KCNH5: variants seen among roughly 807,000 people sequenced by gnomAD.
The protein encoded by KCNH5 is potassium voltage-gated channel subfamily H member 5, also known as voltage-gated delayed rectifier potassium channel KCNH5.
KCNH5 carries 46 observed loss-of-function variants against 96.1 expected under a neutral mutation model. That is an observed-to-expected ratio of 0.48 (90% CI 0.38 to 0.61). The LOEUF is 0.61. Ranked by LOEUF, KCNH5 falls within the 20% of genes least tolerant of loss-of-function variation. KCNH5 has a pLI of 0.00. For missense variants in KCNH5, 907 were observed against 1,225.8 expected (o/e 0.74, Z 3.88); for synonymous variants, 439 against 449.8 (o/e 0.98, Z 0.30).
chr14:62,931,170 A>G (rs1250605170), intron 7 of KCNH5, among the ~76,000 whole-genome samples: 2 of 152,188 alleles, frequency 1.3e-5, no homozygotes, highest in African/African-American at 4.8e-5. Flanking sequence ...TGGGAAGCCA[A>G]GCAGACAGTA....
intron 4 of KCNH5, among the ~76,000 whole-genome samples, chr14:62,987,777 C>T (rs919233473): frequency 1.3e-5 from 2 of 152,120 alleles, no homozygotes; most frequent in African/African-American, 4.8e-5. Flanking sequence ...AAGAAATGTG[C>T]TTCTATTGTA....
chr14:63,044,128 G>A (rs1891877620), intron 1 of KCNH5, among the ~76,000 whole-genome samples: 1 of 152,130 alleles, frequency 6.6e-6, no homozygotes, highest in African/African-American at 2.4e-5. Context: ...CTCCAAGCAA[G>A]AGATGTCAAA....
At chr14:62,942,895 A>G (rs1889814432) in intron 7 of KCNH5, among the ~76,000 whole-genome samples, 1 of 152,162 alleles carries the variant, frequency 6.6e-6, no homozygotes, top group Non-Finnish European at 1.5e-5. Flanking sequence ...AGCAGGACAA[A>G]TTCTCATTGA....
chr14:62,748,302 C>A (rs1595604978), intron 10 of KCNH5, among the ~76,000 whole-genome samples: 1 of 152,158 alleles, frequency 6.6e-6, no homozygotes, highest in Non-Finnish European at 1.5e-5. Context: ...TTCCTAATTA[C>A]TATATTTTGC....
chr14:62,948,195 T>A (rs757548776), intron 7 of KCNH5, among the ~76,000 whole-genome samples: 3 of 152,304 alleles, frequency 2.0e-5, no homozygotes, highest in Middle Eastern at 3.4e-3. Context: ...CCATGGTGTA[T>A]ATGTGCCACA....
At position 62,708,037 on chromosome 14, in the gene KCNH5, C is replaced by T. The variant is rs534607642; in HGVS notation, c.2438G>A (p.Arg813Gln). 2.5e-5 allele frequency: 40 copies of T among 1,614,162 alleles called. No homozygotes were observed. Among genetic ancestry groups the T allele is most frequent in the Admixed American group, 1.2e-4 (7 of 60,024 alleles). ...MKNGNGKGWL[R>Q]LKNNMGAHEE... ...ATGGGCTCCCATATTATTCTTGAGT[C>T]GCAGCCACCCTTTTCCATTTCCATT... The change falls in exon 11 of 11, where the codon CGA becomes CAA. Residue 813 changes from arginine (R) to glutamine (Q), a missense_variant. Physicochemically the swap from Arg to Gln is conservative, Grantham distance 43 (BLOSUM62 1). This residue lies in a region of KCNH5 where 362 missense variants were observed against 394.4 expected (regional missense o/e 0.92). Transcript: ENST00000322893.
chr14:62,870,026 A>T (rs1595663508), intron 7 of KCNH5, among the ~76,000 whole-genome samples: 1 of 152,298 alleles, frequency 6.6e-6, no homozygotes, highest in East Asian at 1.9e-4. Flanking sequence ...AACTGAATAC[A>T]TCTATAGTTT....
chr14:62,727,975 A>G (rs1282360538), intron 10 of KCNH5, among the ~76,000 whole-genome samples: 1 of 149,318 alleles, frequency 6.7e-6, no homozygotes, highest in Non-Finnish European at 1.5e-5. Flanking sequence ...AGCACACGAG[A>G]TACTCCAGAG....
chr14:62,835,195 C>T (rs1264889238), intron 8 of KCNH5, among the ~76,000 whole-genome samples: 1 of 151,922 alleles, frequency 6.6e-6, no homozygotes, highest in African/African-American at 2.4e-5. Flanking sequence ...GGCTGGACAC[C>T]TCTATTGTGT....
At chr14:62,892,548 CA>C (rs1275062165) in intron 7 of KCNH5, among the ~76,000 whole-genome samples, 1 of 152,192 alleles carries the variant, frequency 6.6e-6, no homozygotes, top group Non-Finnish European at 1.5e-5. Flanking sequence ...CACTAAACAA[CA>C]AATTTTCAAT....
Position 62,814,515 on chromosome 14 carries a change from T to C in KCNH5, c.1570-11934A>G, listed in dbSNP as rs542568107. Among the ~76,000 whole-genome samples, 34 of 152,192 alleles carry C rather than the reference T, an allele frequency of 2.2e-4. 1 individual carries two copies. The highest frequency in any genetic ancestry group is 3.4e-3 in the Middle Eastern group (1 of 294). On this transcript the variant is annotated intron_variant, in intron 8 of 10. Coordinates refer to ENST00000322893, the MANE Select transcript of KCNH5 (RefSeq NM_139318.5). ...AAACAATATTGTTTTCTACTGGCCATGATCTTTTTAGTCCCCATGACAAGT... is the reference window on the plus strand; with the variant it reads ...AAACAATATTGTTTTCTACTGGCCACGATCTTTTTAGTCCCCATGACAAGT...
chr14:62,734,170 C>A (rs962288430), intron 10 of KCNH5, among the ~76,000 whole-genome samples: 1 of 152,066 alleles, frequency 6.6e-6, no homozygotes. Flanking sequence ...TCTTCCCCAC[C>A]CCCCAACATA....
chr14:63,025,813 T>A (rs1891513832), intron 1 of KCNH5, among the ~76,000 whole-genome samples: 1 of 151,418 alleles, frequency 6.6e-6, no homozygotes, highest in African/African-American at 2.4e-5. Context: ...AGATTCAATG[T>A]AATTCCAACC....
intron 6 of KCNH5, among the ~76,000 whole-genome samples, chr14:62,972,206 C>T (rs13379366): frequency 0.1 from 15,392 of 152,164 alleles, 1,156 homozygotes; most frequent in East Asian, 0.37. Context: ...GAAGATATTC[C>T]TATGAGAATT....
At chr14:62,947,672 A>G (rs943669419) in intron 7 of KCNH5, among the ~76,000 whole-genome samples, 6 of 151,982 alleles carry the variant, frequency 3.9e-5, no homozygotes, top group African/African-American at 1.5e-4. Flanking sequence ...CAATGTCAAA[A>G]TCTAAGCCTC....
intron 10 of KCNH5, among the ~76,000 whole-genome samples, chr14:62,726,178 C>A (rs1299625515): frequency 6.6e-6 from 1 of 151,530 alleles, no homozygotes; most frequent in South Asian, 2.1e-4. Flanking sequence ...TAATGTGATA[C>A]GTAAAAAAAC....
intron 10 of KCNH5, among the ~76,000 whole-genome samples, chr14:62,713,699 G>T (rs937463855): frequency 3.3e-5 from 5 of 152,138 alleles, no homozygotes; most frequent in African/African-American, 1.2e-4. Flanking sequence ...CGCAAAGTAT[G>T]ATAGTTCTTT....
intron 2 of KCNH5, among the ~76,000 whole-genome samples, chr14:63,014,130 T>C (rs1269260591): frequency 6.6e-6 from 1 of 152,146 alleles, no homozygotes; most frequent in Non-Finnish European, 1.5e-5. Context: ...AACATGATCA[T>C]TTGAAAACAC....
chr14:62,971,551 C>T (rs576032901), intron 6 of KCNH5, among the ~76,000 whole-genome samples: 2 of 151,884 alleles, frequency 1.3e-5, no homozygotes, highest in African/African-American at 4.8e-5. Context: ...ATAGCCACTA[C>T]AATATGGAAG....
Sources: allele counts gnomAD v4.1 joint callset (sites outside exome capture counted in the v4.1 genomes callset), GRCh38; gene constraint gnomAD v4.1.1; regional missense constraint gnomAD v4.1.1; transcripts MANE v1.5; gene names NCBI Gene and HGNC (gene_info 2026-07-23, HGNC 2026-07-21).